SETX: variants seen among roughly 807,000 people sequenced by gnomAD.
SETX encodes senataxin.
Under a neutral mutation model 227.2 loss-of-function variants are expected in SETX, and 90 were observed. That is an observed-to-expected ratio of 0.40 (90% CI 0.33 to 0.47). The LOEUF is 0.47. Ranked by LOEUF, SETX falls within the 20% of genes least tolerant of loss-of-function variation. The pLI is 0.91. For synonymous variants in SETX, 1,210 were observed against 1,113.2 expected (o/e 1.09, Z -1.73); for missense variants, 3,052 against 3,181.5 (o/e 0.96, Z 0.98).
At chr9:132,311,560 G>A (rs1845657854) in intron 11 of SETX, among the ~76,000 whole-genome samples, 197 bp downstream of exon 11, 1 of 151,696 alleles carries the variant, frequency 6.6e-6, no homozygotes, top group South Asian at 2.1e-4. Flanking sequence ...CTACAGAGTG[G>A]GGAAAAAAAT....
chr9:132,283,473 C>A, intron 18 of SETX, 60 bp from the exon 19 acceptor site: 2 of 1,579,134 alleles, frequency 1.3e-6, no homozygotes, highest in Non-Finnish European at 1.7e-6. Context: ...CTATGACAGG[C>A]CTATGTTTAC....
In SETX at chr9:132,353,721, A is replaced by G. The variant is rs1319252374; in HGVS notation, c.-80T>C. 6.6e-6 allele frequency: 1 copy of G among 152,230 alleles called. No homozygotes were observed. Among genetic ancestry groups the G allele is most frequent in the East Asian group, 1.9e-4 (1 of 5,204 alleles). 9.4% of individuals were successfully genotyped at this position (152,230 alleles called of 1,614,324 possible). A position where few individuals can be genotyped will look rare whatever the true frequency, so the allele number is the denominator to read the frequency against. On this transcript the variant is annotated 5_prime_UTR_variant, in exon 2 of 26. An upstream start codon of the reference 5' UTR is lost. Coordinates refer to ENST00000224140, the MANE Select transcript of SETX (RefSeq NM_015046.7). ...TGTGAACAAACACGGATTTGCATTC[A>G]TATATGCCCAGACTCTGGCCCCAAA...
chr9:132,271,853 T>A, intron 23 of SETX, 45 bp from the exon 24 acceptor site: 1 of 1,514,474 alleles, frequency 6.6e-7, no homozygotes, highest in South Asian at 1.1e-5. Context: ...AGGAAGATAA[T>A]TATTAAGTAT....
chr9:132,271,600 A>T, intron 24 of SETX, 110 bp downstream of exon 24: 1 of 945,882 alleles, frequency 1.1e-6, no homozygotes, highest in South Asian at 1.3e-5. Flanking sequence ...CACAAAAGAA[A>T]ATTAAAAAAG....
intron 10 of SETX, among the ~76,000 whole-genome samples, chr9:132,313,890 A>G (rs2131364972): frequency 6.6e-6 from 1 of 150,948 alleles, no homozygotes; most frequent in South Asian, 2.1e-4. Flanking sequence ...GAATACACTG[A>G]ACAGAGATGA....
chr9:132,331,003 C>T (rs1362687177), intron 9 of SETX, 49 bp downstream of exon 9: 1 of 1,366,280 alleles, frequency 7.3e-7, no homozygotes, highest in African/African-American at 1.4e-5. Context: ...ATAGTCTACA[C>T]AATATAAAGG....
chr9:132,326,291 T>C (rs1187264108), intron 10 of SETX, 33 bp downstream of exon 10: 2 of 1,489,946 alleles, frequency 1.3e-6, no homozygotes, highest in African/African-American at 1.4e-5. Context: ...CTTGAAAAGT[T>C]TGGAGAGGCA....
chr9:132,288,523 C>G (rs549061906), intron 16 of SETX, 27 bp downstream of exon 16: 1 of 1,545,326 alleles, frequency 6.5e-7, no homozygotes, highest in Admixed American at 1.7e-5. Flanking sequence ...AGAGAAAACA[C>G]TAGTATATAC....
In SETX at chr9:132,343,176, G is replaced by A. The variant is rs559806938; in HGVS notation, c.389-377C>T. On this transcript the variant is annotated intron_variant, in intron 4 of 25. Transcript: ENST00000224140. ...CTACTAAAAATACAAAAAATTAGCC[G>A]GGCGTGGTGGTGGGCACCTGTAGTC... Among the ~76,000 whole-genome samples the A allele has an allele frequency of 1.2e-4, 18 of 152,152 alleles. No individual in the cohort carries two copies. The East Asian group carries it at 1.4e-3, about 11-fold the overall frequency.
At chr9:132,274,094 T>A (rs1317576204) in intron 23 of SETX, among the ~76,000 whole-genome samples, 1 of 152,226 alleles carries the variant, frequency 6.6e-6, no homozygotes, top group East Asian at 1.9e-4. Flanking sequence ...TTTTCATATG[T>A]TGAAGCAATC....
intron 4 of SETX, among the ~76,000 whole-genome samples, chr9:132,343,511 G>A (rs1396018244): frequency 6.6e-6 from 1 of 152,082 alleles, no homozygotes; most frequent in East Asian, 1.9e-4. Flanking sequence ...TAAGTTACTA[G>A]CTATCCCACT....
rs527316914 is a variant in SETX, at chr9:132,354,198, A to G, written c.-114-443T>C. On this transcript the variant is annotated intron_variant, in intron 1 of 25. Coordinates refer to ENST00000224140, the MANE Select transcript of SETX (RefSeq NM_015046.7). ...GACAAAGTCCTGTGGCCAGCAGCAA[A>G]AGCTCCAGCCCCTCCAAGTGGGAGA... Among the ~76,000 whole-genome samples the G allele has an allele frequency of 4.6e-5, 7 of 152,254 alleles. No homozygotes were observed. The East Asian group carries it at 1.4e-3, about 29-fold the overall frequency.
intron 6 of SETX, among the ~76,000 whole-genome samples, chr9:132,336,078 C>G (rs1186954458): frequency 1.3e-5 from 2 of 152,064 alleles, no homozygotes; most frequent in Admixed American, 6.6e-5. Flanking sequence ...CCCGTCTCTA[C>G]TAAAAATACA....
chr9:132,352,102 C>T (rs1023296342), intron 2 of SETX, among the ~76,000 whole-genome samples: 27 of 152,294 alleles, frequency 1.8e-4, no homozygotes, highest in African/African-American at 6.3e-4. Context: ...CACTACCTCC[C>T]AGCTCTTCAG....
intron 10 of SETX, among the ~76,000 whole-genome samples, chr9:132,312,813 A>G (rs1845742914): frequency 1.3e-5 from 2 of 152,254 alleles, no homozygotes; most frequent in African/African-American, 4.8e-5. Flanking sequence ...CATTATTTAC[A>G]ATCACCAAAA....
chr9:132,318,952 G>A (rs1846165029), intron 10 of SETX, among the ~76,000 whole-genome samples: 1 of 152,126 alleles, frequency 6.6e-6, no homozygotes, highest in Admixed American at 6.6e-5. Flanking sequence ...ATCCTAGGCT[G>A]CCGCACAGTT....
rs573499594 is a variant in SETX at position 132,328,852 on chromosome 9, G to T, written c.2746C>A (p.Leu916Ile). The T allele has an allele frequency of 6.2e-7, 1 of 1,613,810 alleles. No homozygotes were observed. The highest frequency in any genetic ancestry group is 1.3e-5 in the African/African-American group (1 of 74,918). Residue 916 changes from leucine to isoleucine, a missense_variant, in exon 10 of 26, where the codon CTT (leucine) becomes ATT (isoleucine). By Grantham distance (5) the Leu-to-Ile change is conservative (BLOSUM62 2). Around this residue, in one of 10 missense-constraint regions of SETX, gnomAD observed 1,483 missense variants for 1,312.0 expected, o/e 1.13. Coordinates refer to ENST00000224140, the MANE Select transcript of SETX (RefSeq NM_015046.7). ...SEKKSSPFKDLMTVPESRDEE... is the reference protein window; with the variant it reads ...SEKKSSPFKDIMTVPESRDEE... ...TCTCTTGATTCAGGTACAGTCATAA[G>T]ATCTTTAAAGGGAGATGATTTCTTC... is the stretch of plus-strand genomic sequence containing the variant.
chr9:132,321,770 C>T (rs541490532), intron 10 of SETX, among the ~76,000 whole-genome samples: 2 of 151,782 alleles, frequency 1.3e-5, no homozygotes, highest in South Asian at 2.1e-4. Flanking sequence ...AATGCTTGAA[C>T]CCAAGAGGCA....
intron 11 of SETX, among the ~76,000 whole-genome samples, chr9:132,302,272 A>G (rs1372750362): frequency 6.8e-6 from 1 of 147,202 alleles, no homozygotes; most frequent in East Asian, 2.2e-4. Flanking sequence ...CAGGAGAATG[A>G]CGTGAACCCA....
Sources: gnomAD v4.1 joint callset for allele counts (sites outside exome capture counted in the v4.1 genomes callset) on GRCh38, gnomAD v4.1.1 for gene constraint, gnomAD v4.1.1 regional missense constraint, MANE v1.5 for transcripts, NCBI Gene and HGNC (gene_info 2026-07-23, HGNC 2026-07-21) for gene names.